ATXN1: variants seen among roughly 807,000 people sequenced by gnomAD.
The protein encoded by ATXN1 is ataxin-1.
ATXN1 carries 8 observed loss-of-function variants against 56.4 expected under a neutral mutation model. That is an observed-to-expected ratio of 0.14 (90% CI 0.08 to 0.26). The LOEUF (loss-of-function observed/expected upper bound fraction) is 0.26, where lower values mean the gene tolerates loss of function less well. ATXN1 is among the 10% of genes least tolerant of loss of function. ATXN1 has a pLI of 1.00. For missense variants in ATXN1, 987 were observed against 1,106.5 expected (o/e 0.89, Z 1.53); for synonymous variants, 514 against 494.6 (o/e 1.04, Z -0.52).
intron 2 of ATXN1, among the ~76,000 whole-genome samples, chr6:16,699,588 T>C (rs1475426717): frequency 6.6e-6 from 1 of 152,084 alleles, no homozygotes; most frequent in Non-Finnish European, 1.5e-5. Flanking sequence ...TGGGTCATAG[T>C]AAAAAGAGTT....
At chr6:16,472,896 C>T (rs929164344) in intron 6 of ATXN1, among the ~76,000 whole-genome samples, 2 of 152,282 alleles carry the variant, frequency 1.3e-5, no homozygotes, top group South Asian at 2.1e-4. Flanking sequence ...TCAGTCTGTT[C>T]GAACTCTTTG....
Position 16,328,281 on chromosome 6 carries a change from T to G in ATXN1, c.30A>C (p.Glu10Asp). MKSNQERSN[E>D]CLPPKKREIP... is the part of the protein sequence containing the mutation. ...TCTCGCGCTTCTTGGGAGGCAGGCA[T>G]TCGTTGCTCCGCTCTTGGTTGGATT... The change falls in exon 7 of 8, where the codon GAA (glutamate) becomes GAC (aspartate). Residue 10 changes from glutamate (E) to aspartate (D), a missense_variant. By Grantham distance (45) the Glu-to-Asp change is conservative (BLOSUM62 2). Transcript: ENST00000436367. This position sits in a 1 kb window ranked among gnomAD's most constrained non-coding sequence, Gnocchi z 6.2. 6.6e-7 allele frequency: 1 copy of G among 1,519,876 alleles called. No individual in the cohort carries two copies. Among genetic ancestry groups the G allele is most frequent in the Non-Finnish European group, 8.8e-7 (1 of 1,138,184 alleles). 94.1% of individuals were successfully genotyped at this position (1,519,876 alleles called of 1,614,324 possible). A position where few individuals can be genotyped will look rare whatever the true frequency, so the allele number is the denominator to read the frequency against.
intron 5 of ATXN1, among the ~76,000 whole-genome samples, chr6:16,499,137 A>G (rs565125351): frequency 6.6e-6 from 1 of 152,246 alleles, no homozygotes; most frequent in South Asian, 2.1e-4. Context: ...TTCAGTTCCT[A>G]CATTTAGGGT....
rs1188934826 is a variant in ATXN1, at chr6:16,703,336, TG to T, written c.-614-45436del. 2.0e-4 allele frequency among the ~76,000 whole-genome samples: 31 copies of T among 151,494 alleles called. No homozygotes were observed. The East Asian group carries it at 5.5e-3, about 27-fold the overall frequency. On this transcript the variant is annotated intron_variant, in intron 2 of 7. Transcript: ENST00000436367. The stretch of plus-strand genomic sequence containing the variant: ...CCACACCCCAGGGCCTGTTGTGGGG[TG>T]GGGGGAAGGGGGAGGGATAGCATTA...
At chr6:16,431,004 A>G (rs1759271778) in intron 6 of ATXN1, among the ~76,000 whole-genome samples, 1 of 151,304 alleles carries the variant, frequency 6.6e-6, no homozygotes, top group Non-Finnish European at 1.5e-5. Context: ...ACAACAGCAG[A>G]GCCCTCTCAT....
At chr6:16,388,281 G>T (rs991278410) in intron 6 of ATXN1, among the ~76,000 whole-genome samples, 1 of 152,182 alleles carries the variant, frequency 6.6e-6, no homozygotes, top group African/African-American at 2.4e-5. Context: ...AGCTTATTAT[G>T]TGTATCTATC....
chr6:16,635,142 C>T (rs1291805124), intron 3 of ATXN1, among the ~76,000 whole-genome samples: 2 of 152,158 alleles, frequency 1.3e-5, no homozygotes, highest in Admixed American at 6.5e-5. Context: ...GGAGCGTGAA[C>T]CCTATTGTGA....
In ATXN1 at chr6:16,663,761, C is replaced by A. The variant is rs925821459; in HGVS notation, c.-614-5860G>T. Among the ~76,000 whole-genome samples the A allele has an allele frequency of 2.0e-5, 3 of 151,920 alleles. No homozygotes were observed. The East Asian group carries it at 5.8e-4, about 29-fold the overall frequency. Reference sequence around the variant, plus strand: ...CTCACGGCAACCTCGAACTCCTCAACTCAAGCAGTCCTCCCAGCTCAGCCT... The same window carrying A: ...CTCACGGCAACCTCGAACTCCTCAAATCAAGCAGTCCTCCCAGCTCAGCCT... On this transcript the variant is annotated intron_variant, in intron 2 of 7. Transcript: ENST00000436367.
chr6:16,382,442 G>A (rs1477285827), intron 6 of ATXN1, among the ~76,000 whole-genome samples: 1 of 152,094 alleles, frequency 6.6e-6, no homozygotes, highest in Non-Finnish European at 1.5e-5. Context: ...CAGCCTGGGT[G>A]ACAAGAGTGA....
chr6:16,483,914 A>T (rs1344165525), intron 6 of ATXN1, among the ~76,000 whole-genome samples: 2 of 152,250 alleles, frequency 1.3e-5, no homozygotes, highest in African/African-American at 4.8e-5. Context: ...TGCTTTAAAA[A>T]ATACCACCAG....
chr6:16,736,467 A>G (rs549566679), intron 2 of ATXN1, among the ~76,000 whole-genome samples: 10 of 152,348 alleles, frequency 6.6e-5, no homozygotes, highest in Admixed American at 1.3e-4. Flanking sequence ...GGCTGTTACA[A>G]AAGAAAAATG....
At chr6:16,691,511 A>G (rs1239896455) in intron 2 of ATXN1, among the ~76,000 whole-genome samples, 1 of 152,222 alleles carries the variant, frequency 6.6e-6, no homozygotes, top group Non-Finnish European at 1.5e-5. Context: ...TAAAAATGGA[A>G]AGCACCTATT....
intron 2 of ATXN1, among the ~76,000 whole-genome samples, chr6:16,700,304 G>T (rs549408049): frequency 1.3e-5 from 2 of 152,096 alleles, no homozygotes; most frequent in South Asian, 4.1e-4. Context: ...GTACTTCTCT[G>T]CATCTGGGGT....
intron 2 of ATXN1, among the ~76,000 whole-genome samples, chr6:16,717,577 CCAT>C (rs1450578655): frequency 6.6e-6 from 1 of 152,188 alleles, no homozygotes; most frequent in Non-Finnish European, 1.5e-5. Flanking sequence ...ATTTACATTC[CCAT>C]GCAGCTTAAC....
rs751698246 is a variant in ATXN1 at position 16,563,935 on chromosome 6, A to C, written c.-361+21845T>G. ...TTACTTTTTAGGATACAATTGGGAG[A>C]AGCTCACGAATAGAAAGAGAATTCT... On this transcript the variant is annotated intron_variant, in intron 4 of 7. Transcript: ENST00000436367. Among the ~76,000 whole-genome samples, 10 of 152,282 alleles carry C rather than the reference A, an allele frequency of 6.6e-5. No individual in the cohort carries two copies. The South Asian group carries it at 1.0e-3, about 16-fold the overall frequency.
At chr6:16,645,002 A>C (rs999696528) in intron 3 of ATXN1, among the ~76,000 whole-genome samples, 7 of 152,182 alleles carry the variant, frequency 4.6e-5, no homozygotes, top group Non-Finnish European at 1.0e-4. Context: ...AATTTACATA[A>C]TATGTGCTTG....
chr6:16,359,674 C>T (rs766455669), intron 6 of ATXN1, among the ~76,000 whole-genome samples: 12 of 152,146 alleles, frequency 7.9e-5, no homozygotes, highest in African/African-American at 2.4e-4. Flanking sequence ...CCCACTCCTC[C>T]GAGTTGTTCT....
chr6:16,497,517 C>T (rs1236998346), intron 5 of ATXN1, among the ~76,000 whole-genome samples: 2 of 152,216 alleles, frequency 1.3e-5, no homozygotes, highest in African/African-American at 2.4e-5. Context: ...AACAGCATCA[C>T]GTCTTCTCAC....
At chr6:16,469,780 A>G (rs935931174) in intron 6 of ATXN1, among the ~76,000 whole-genome samples, 4 of 152,126 alleles carry the variant, frequency 2.6e-5, no homozygotes, top group Admixed American at 6.6e-5. Context: ...CCTGACCAAC[A>G]TGGCAAAACC....
Sources: gnomAD v4.1 joint callset for allele counts (sites outside exome capture counted in the v4.1 genomes callset) on GRCh38, gnomAD v4.1.1 for gene constraint, Gnocchi (gnomAD v3.1) non-coding constraint, MANE v1.5 for transcripts, NCBI Gene and HGNC (gene_info 2026-07-23, HGNC 2026-07-21) for gene names.